Variants in DENND2A observed in about 807,000 individuals in gnomAD.
DENND2A encodes DENN domain containing 2A.
In DENND2A, 53 loss-of-function variants were observed where a neutral mutation model predicts 105.3. That is an observed-to-expected ratio of 0.50 (90% CI 0.40 to 0.63). DENND2A has a LOEUF of 0.63. Among genes scored for constraint, DENND2A ranks in the 30% least tolerant of loss-of-function variants. The pLI is 0.00. For missense variants in DENND2A, 1,138 were observed against 1,279.6 expected, an observed-to-expected ratio of 0.89 and a Z score of 1.69; for synonymous variants, 522 against 508.4, an observed-to-expected ratio of 1.03 and a Z score of -0.36.
intron 1 of DENND2A, among the ~76,000 whole-genome samples, chr7:140,637,729 A>C (rs1801003979): frequency 6.6e-6 from 1 of 152,118 alleles, no homozygotes; most frequent in African/African-American, 2.4e-5. Flanking sequence ...GGGGGTCAGG[A>C]TTCCTGGATG....
At chr7:140,628,424 A>G (rs1563187933) in intron 1 of DENND2A, among the ~76,000 whole-genome samples, 1 of 151,060 alleles carries the variant, frequency 6.6e-6, no homozygotes, top group South Asian at 2.1e-4. Context: ...TTTGTTTCCT[A>G]TCTGTGCCTG....
At chr7:140,569,819 C>A in intron 6 of DENND2A, 81 bp from the exon 7 acceptor site, 1 of 981,240 alleles carries the variant, frequency 1.0e-6, no homozygotes. Context: ...TGCCCCTCTC[C>A]TAGGACGATG....
intron 14 of DENND2A, among the ~76,000 whole-genome samples, chr7:140,534,081 ATTTTTTT>A (rs3042407): frequency 1.2e-5 from 1 of 80,106 alleles, no homozygotes; most frequent in African/African-American, 5.1e-5. Context: ...TGCCTGGTTA[ATTTTTTT>A]TTTTTTTTTT....
At chr7:140,576,515 C>CT (rs1798305081) in intron 5 of DENND2A, among the ~76,000 whole-genome samples, 1 of 152,194 alleles carries the variant, frequency 6.6e-6, no homozygotes, top group Non-Finnish European at 1.5e-5. Context: ...TCTTTATCAA[C>CT]TTATGAGGCC....
chr7:140,566,134 C>A (rs752492739), intron 9 of DENND2A, among the ~76,000 whole-genome samples: 2 of 152,162 alleles, frequency 1.3e-5, no homozygotes, highest in Non-Finnish European at 2.9e-5. Context: ...TGAGTTCAAG[C>A]GATTCTACAG....
intron 14 of DENND2A, among the ~76,000 whole-genome samples, chr7:140,539,104 G>A (rs562814320): frequency 1.1e-4 from 17 of 152,340 alleles, no homozygotes; most frequent in African/African-American, 2.9e-4. Context: ...GATGACAGGC[G>A]TGAGCAACTG....
intron 16 of DENND2A, among the ~76,000 whole-genome samples, chr7:140,524,638 C>T (rs867369586): frequency 1.3e-5 from 2 of 151,954 alleles, no homozygotes; most frequent in Non-Finnish European, 2.9e-5. Flanking sequence ...TACAGTGGCA[C>T]GATCTCAGCT....
intron 1 of DENND2A, among the ~76,000 whole-genome samples, chr7:140,618,890 C>T (rs1227381580): frequency 6.6e-6 from 1 of 152,088 alleles, no homozygotes; most frequent in African/African-American, 2.4e-5. Flanking sequence ...GCTCTGCCTC[C>T]CGGGTTCACG....
rs754490449 is a variant in DENND2A, at chr7:140,527,528, G to A, written c.2328-33C>T. ...CGGGGAGAGAACAGGGAGAGAGGCC[G>A]ACTCAGCGAGGGCCCGAGGAAGCCT... On this transcript the variant is annotated intron_variant, in intron 14 of 19. Coordinates refer to ENST00000496613, the MANE Select transcript of DENND2A (RefSeq NM_015689.5). The surrounding 1 kb of genome is among the most constrained non-coding windows in gnomAD (Gnocchi z 4.9). 6.8e-5 allele frequency: 106 copies of A among 1,560,346 alleles called. No individual in the cohort carries two copies. Among genetic ancestry groups the A allele is most frequent in the Middle Eastern group, 5.5e-4 (3 of 5,424 alleles).
At chr7:140,585,801 T>G in intron 4 of DENND2A, 91 bp from the exon 5 acceptor site, 1 of 1,570,206 alleles carries the variant, frequency 6.4e-7, no homozygotes, top group Non-Finnish European at 8.7e-7. Context: ...GCCTCTCCTG[T>G]GTCCATTCTT....
intron 5 of DENND2A, among the ~76,000 whole-genome samples, chr7:140,574,508 C>A (rs1350611155): frequency 1.3e-5 from 2 of 152,090 alleles, no homozygotes; most frequent in East Asian, 3.9e-4. Flanking sequence ...CATGAGCCAC[C>A]ACACCTGGCC....
At chr7:140,628,652 G>A (rs924221630) in intron 1 of DENND2A, among the ~76,000 whole-genome samples, 3 of 147,180 alleles carry the variant, frequency 2.0e-5, no homozygotes, top group Non-Finnish European at 4.4e-5. Context: ...GCATTCTCCT[G>A]CCTCAGCCTC....
chr7:140,551,919 G>C (rs1369797768), intron 12 of DENND2A, among the ~76,000 whole-genome samples: 1 of 152,102 alleles, frequency 6.6e-6, no homozygotes, highest in African/African-American at 2.4e-5. Context: ...AAATATCCCT[G>C]GTCAGAAAAC....
At chr7:140,636,684 C>A (rs77619849) in intron 1 of DENND2A, among the ~76,000 whole-genome samples, 6 of 98,384 alleles carry the variant, frequency 6.1e-5, no homozygotes, top group East Asian at 7.1e-4. Context: ...CCTCCCCAGC[C>A]TTTTTTTTTT....
upstream of DENND2A, among the ~76,000 whole-genome samples, chr7:140,641,170 G>C (rs1329673882): frequency 6.6e-6 from 1 of 152,194 alleles, no homozygotes; most frequent in Non-Finnish European, 1.5e-5. Context: ...TCTCGGCACC[G>C]GGCCGGGGCC....
At chr7:140,634,508 T>C (rs1391728022) in intron 1 of DENND2A, among the ~76,000 whole-genome samples, 3 of 152,220 alleles carry the variant, frequency 2.0e-5, no homozygotes, top group African/African-American at 4.8e-5. Flanking sequence ...CTGTGGCACA[T>C]GCATAGAGGC....
At chr7:140,519,210 C>G (rs1040901595) in intron 19 of DENND2A, among the ~76,000 whole-genome samples, 7 of 152,208 alleles carry the variant, frequency 4.6e-5, no homozygotes, top group Non-Finnish European at 8.8e-5. Context: ...TTCATTCTCC[C>G]TTTCCCTTTA....
intron 1 of DENND2A, among the ~76,000 whole-genome samples, chr7:140,633,229 C>T (rs1030658910): frequency 2.0e-5 from 3 of 152,010 alleles, no homozygotes; most frequent in African/African-American, 7.3e-5. Context: ...GGGGTTTCAC[C>T]ATGTTAGCCA....
At chr7:140,537,511 A>T (rs1287541875) in intron 14 of DENND2A, among the ~76,000 whole-genome samples, 3 of 152,220 alleles carry the variant, frequency 2.0e-5, no homozygotes, top group African/African-American at 7.2e-5. Flanking sequence ...TGGTGCAGTC[A>T]TAGCTCACTA....
Sources: gnomAD v4.1 joint callset for allele counts (sites outside exome capture counted in the v4.1 genomes callset) on GRCh38, gnomAD v4.1.1 for gene constraint, Gnocchi (gnomAD v3.1) non-coding constraint, MANE v1.5 for transcripts, NCBI Gene and HGNC (gene_info 2026-07-23, HGNC 2026-07-21) for gene names.